The following CEP97 variants were observed in gnomAD, a reference collection of about 807,000 sequenced individuals.
CEP97 encodes the protein centrosomal protein of 97 kDa.
CEP97 carries 43 observed loss-of-function variants against 73.1 expected under a neutral mutation model. The observed-to-expected ratio is 0.59, with a 90% CI of 0.46 to 0.76. CEP97 has a LOEUF of 0.76. CEP97 is among the 30% of genes least tolerant of loss of function. CEP97 has a pLI of 0.00. For missense variants in CEP97, 939 were observed against 1,014.0 expected (o/e 0.93, Z 1.00); for synonymous variants, 337 against 370.0 (o/e 0.91, Z 1.02).
At chr3:101,737,846 A>G (rs2107145461) in intron 6 of CEP97, among the ~76,000 whole-genome samples, 1 of 152,204 alleles carries the variant, frequency 6.6e-6, no homozygotes, top group South Asian at 2.1e-4. Context: ...AACAATATTA[A>G]CCTTAAATGT....
At chr3:101,760,290 A>T (rs1939135685) in intron 9 of CEP97, among the ~76,000 whole-genome samples, 1 of 152,166 alleles carries the variant, frequency 6.6e-6, no homozygotes, top group Non-Finnish European at 1.5e-5. Flanking sequence ...TGAGGTAGTT[A>T]TCTTAAACAT....
rs888353550 is a variant in CEP97 at position 101,733,674 on chromosome 3, G to A, written c.728+1020G>A. Among the ~76,000 whole-genome samples, 228 of 151,012 alleles carry A rather than the reference G, an allele frequency of 1.5e-3. 2 individuals are homozygous for A. The highest frequency in any genetic ancestry group is 5.5e-3 in the African/African-American group (226 of 41,382). ...GCCTCCCGAGTAGCTGGGACTACAG[G>A]CGCCCGCCACTACGCCCGGCTAATT... On this transcript the variant is annotated intron_variant, in intron 6 of 10. Coordinates refer to ENST00000341893, the MANE Select transcript of CEP97 (RefSeq NM_024548.4).
chr3:101,755,348 A>G, intron 6 of CEP97, 82 bp from the exon 7 acceptor site: 1 of 1,227,272 alleles, frequency 8.1e-7, no homozygotes, highest in South Asian at 1.3e-5. Context: ...AAGGTAAGTT[A>G]ACAAGGAAGA....
intron 6 of CEP97, among the ~76,000 whole-genome samples, chr3:101,752,804 T>G (rs1165746867): frequency 1.3e-5 from 2 of 152,200 alleles, no homozygotes; most frequent in Non-Finnish European, 2.9e-5. Context: ...TCTAAATTTT[T>G]TTCAAAGTTT....
In CEP97 at chr3:101,732,520, A is replaced by G; in HGVS notation, c.594A>G (p.Glu198=). Residue 198 remains glutamate (E), a synonymous_variant, in exon 6 of 11, where the codon GAA becomes GAG. Coordinates refer to ENST00000341893, the MANE Select transcript of CEP97 (RefSeq NM_024548.4). ...TTTTGGCATCCTTAACTGAATTGGA[A>G]CAGTTGTCGATTATGAACAATCCTT... ...ISFLASLTEL[E]QLSIMNNPCV... The G allele has an allele frequency of 6.2e-7, 1 of 1,611,804 alleles. No homozygotes were observed. Among genetic ancestry groups the G allele is most frequent in the Non-Finnish European group, 8.5e-7 (1 of 1,178,288 alleles).
At chr3:101,752,047 T>C (rs1428404590) in intron 6 of CEP97, among the ~76,000 whole-genome samples, 1 of 152,248 alleles carries the variant, frequency 6.6e-6, no homozygotes, top group Admixed American at 6.5e-5. Context: ...TTCCTTTCCA[T>C]GTTTAGTGCT....
At chr3:101,741,534 T>C (rs1938451809) in intron 6 of CEP97, among the ~76,000 whole-genome samples, 1 of 152,094 alleles carries the variant, frequency 6.6e-6, no homozygotes, top group Admixed American at 6.6e-5. Context: ...AAAGGACCAA[T>C]ATCCAGAATC....
intron 1 of CEP97, among the ~76,000 whole-genome samples, chr3:101,725,916 A>G (rs1937871770): frequency 6.8e-6 from 1 of 148,148 alleles, no homozygotes; most frequent in African/African-American, 2.5e-5. Context: ...CTGTAGAACT[A>G]CATTTATAAG....
intron 6 of CEP97, among the ~76,000 whole-genome samples, chr3:101,749,832 T>G (rs1356090080): frequency 7.6e-6 from 1 of 132,390 alleles, no homozygotes; most frequent in Non-Finnish European, 1.6e-5. Context: ...GCCCACTTTT[T>G]GATGGGGTTG....
At chr3:101,739,050 C>G (rs1486706073) in intron 6 of CEP97, among the ~76,000 whole-genome samples, 5 of 152,186 alleles carry the variant, frequency 3.3e-5, no homozygotes, top group African/African-American at 9.7e-5. Flanking sequence ...CACCTCTACA[C>G]AAATAAACTA....
chr3:101,738,505 T>G (rs1938352242), intron 6 of CEP97, among the ~76,000 whole-genome samples: 1 of 152,188 alleles, frequency 6.6e-6, no homozygotes, highest in Non-Finnish European at 1.5e-5. Flanking sequence ...CAGACCACAG[T>G]GCAATCAAAT....
In CEP97 at chr3:101,762,485, A is replaced by G. The variant is rs1289300447; in HGVS notation, c.1818A>G (p.Arg606=). ...HIVCLTDEIR[R]LRKERDEERI... ...AATAATGTGTTTTGAATTATTGTAGATTACGAAAAGAAAGAGATGAAGAAC... is the reference window on the plus strand; with the variant it reads ...AATAATGTGTTTTGAATTATTGTAGGTTACGAAAAGAAAGAGATGAAGAAC... Residue 606 remains arginine (R), a splice_region_variant and synonymous_variant, in exon 10 of 11, where the codon AGA becomes AGG. Transcript: ENST00000341893. 1.3e-6 allele frequency: 2 copies of G among 1,598,010 alleles called. No individual in the cohort carries two copies. The highest frequency in any genetic ancestry group is 1.7e-6 in the Non-Finnish European group (2 of 1,168,204).
At chr3:101,728,650 G>T (rs938090293) in intron 3 of CEP97, among the ~76,000 whole-genome samples, 186 bp from the exon 4 acceptor site, 8 of 152,042 alleles carry the variant, frequency 5.3e-5, no homozygotes, top group Non-Finnish European at 1.0e-4. Flanking sequence ...TAATGAAAGT[G>T]TACGTTTACA....
chr3:101,742,041 CAA>C (rs1387449559), intron 6 of CEP97, among the ~76,000 whole-genome samples: 1 of 82,070 alleles, frequency 1.2e-5, no homozygotes. Context: ...GACTCCGTCT[CAA>C]AAAAAAAAAA....
Position 101,767,799 on chromosome 3 carries a change from G to A in CEP97, c.*2248G>A, listed in dbSNP as rs1439076896. The A allele has an allele frequency of 1.3e-5, 2 of 152,096 alleles. No homozygotes were observed. Among genetic ancestry groups the A allele is most frequent in the Admixed American group, 1.3e-4 (2 of 15,270 alleles). 9.4% of individuals were successfully genotyped at this position (152,096 alleles called of 1,614,324 possible). ...TTTAGAAGTGCAAGAATATTAAATA[G>A]CCCCTTCCTTAACTGTACATATTAT... On this transcript the variant is annotated 3_prime_UTR_variant, in exon 11 of 11. Transcript: ENST00000341893.
intron 6 of CEP97, among the ~76,000 whole-genome samples, chr3:101,753,040 C>A (rs2107176020): frequency 6.6e-6 from 1 of 152,236 alleles, no homozygotes; most frequent in Non-Finnish European, 1.5e-5. Context: ...TACTTTTGGT[C>A]TTCGATGATG....
At chr3:101,760,858 T>G (rs1358549486) in intron 9 of CEP97, among the ~76,000 whole-genome samples, 2 of 146,632 alleles carry the variant, frequency 1.4e-5, no homozygotes, top group Non-Finnish European at 3.0e-5. Flanking sequence ...TTTTTATTTT[T>G]TATCTAAAAA....
At chr3:101,727,635 C>A in intron 3 of CEP97, 94 bp downstream of exon 3, 1 of 991,962 alleles carries the variant, frequency 1.0e-6, no homozygotes, top group Non-Finnish European at 1.5e-6. Flanking sequence ...AAAGTACCCA[C>A]TCCCACTCTC....
At chr3:101,726,374 C>T (rs908444061) in intron 1 of CEP97, among the ~76,000 whole-genome samples, 1 of 152,150 alleles carries the variant, frequency 6.6e-6, no homozygotes, top group African/African-American at 2.4e-5. Flanking sequence ...GAGAATATCA[C>T]ACGTCTAGTT....
Sources: gnomAD v4.1 joint callset for allele counts (sites outside exome capture counted in the v4.1 genomes callset) on GRCh38, gnomAD v4.1.1 for gene constraint, MANE v1.5 for transcripts, NCBI Gene and HGNC (gene_info 2026-07-23, HGNC 2026-07-21) for gene names.